Variants in LSM14A observed in about 807,000 individuals in gnomAD.
LSM14A encodes the protein LSM14A mRNA processing body assembly factor.
LSM14A carries 14 observed loss-of-function variants against 52.4 expected under a neutral mutation model. That is an observed-to-expected ratio of 0.27 (90% CI 0.18 to 0.42). LSM14A has a LOEUF of 0.42. Among genes scored for constraint, LSM14A ranks in the 10% least tolerant of loss-of-function variants. The pLI is 1.00. For missense variants in LSM14A, 417 were observed against 581.8 expected, an observed-to-expected ratio of 0.72 and a Z score of 2.91; for synonymous variants, 185 against 200.3, an observed-to-expected ratio of 0.92 and a Z score of 0.64.
In LSM14A at chr19:34,172,581, C is replaced by T; in HGVS notation, c.-62C>T. 2.0e-6 allele frequency: 3 copies of T among 1,478,354 alleles called. No homozygotes were observed. Among genetic ancestry groups the T allele is most frequent in the Admixed American group, 2.6e-5 (1 of 38,072 alleles). The allele number at this position is 1,478,354 out of a possible 1,614,324, so 91.6% of individuals were successfully genotyped here. On this transcript the variant is annotated 5_prime_UTR_variant, in exon 1 of 10. Coordinates refer to ENST00000544216, the MANE Select transcript of LSM14A (RefSeq NM_015578.4). ...CGACGGAGCGAGCGGGCGTGCGGAG[C>T]GGGCGACAGTGGCGTGGGATCTGCC...
chr19:34,193,833 A>T (rs764568019), intron 1 of LSM14A, among the ~76,000 whole-genome samples: 1 of 152,192 alleles, frequency 6.6e-6, no homozygotes, highest in Non-Finnish European at 1.5e-5. Flanking sequence ...CAAGAAAGAC[A>T]TGGGTTGCTA....
At chr19:34,174,068 G>C (rs977886792) in intron 1 of LSM14A, among the ~76,000 whole-genome samples, 9 of 152,162 alleles carry the variant, frequency 5.9e-5, no homozygotes, top group African/African-American at 2.2e-4. Context: ...TCCTGCCTCA[G>C]CCTCCCAAGT....
At chr19:34,181,520 A>C (rs571480435) in intron 1 of LSM14A, among the ~76,000 whole-genome samples, 1 of 152,074 alleles carries the variant, frequency 6.6e-6, no homozygotes, top group Non-Finnish European at 1.5e-5. Context: ...ATTCTACTTC[A>C]CCAGTCAGCA....
intron 1 of LSM14A, among the ~76,000 whole-genome samples, chr19:34,190,551 G>A (rs2070292357): frequency 6.7e-6 from 1 of 150,034 alleles, no homozygotes; most frequent in African/African-American, 2.4e-5. Context: ...AAAAAAAAAA[G>A]TGTATCAAGT....
intron 9 of LSM14A, among the ~76,000 whole-genome samples, chr19:34,223,707 C>G (rs2073189240): frequency 6.6e-6 from 1 of 152,240 alleles, no homozygotes. Context: ...ACATTTTGAA[C>G]AACCTGTGAC....
chr19:34,200,065 G>A (rs2071182031), intron 3 of LSM14A, among the ~76,000 whole-genome samples: 1 of 152,118 alleles, frequency 6.6e-6, no homozygotes, highest in Non-Finnish European at 1.5e-5. Context: ...GATTGGGGTG[G>A]GGGGCAAAAC....
chr19:34,186,723 C>T (rs1437837987), intron 1 of LSM14A, among the ~76,000 whole-genome samples: 3 of 152,036 alleles, frequency 2.0e-5, no homozygotes, highest in Non-Finnish European at 4.4e-5. Context: ...TATGCTGGGA[C>T]CAGGTCTTGG....
chr19:34,183,511 A>G (rs1041131554), intron 1 of LSM14A, among the ~76,000 whole-genome samples: 1 of 152,142 alleles, frequency 6.6e-6, no homozygotes, highest in Admixed American at 6.5e-5. Flanking sequence ...AGATCGTGCT[A>G]TTGCACTCCA....
chr19:34,199,641 G>A (rs561754957), intron 3 of LSM14A, among the ~76,000 whole-genome samples: 17 of 152,150 alleles, frequency 1.1e-4, no homozygotes, highest in South Asian at 2.1e-4. Context: ...AGCTCTGTTC[G>A]TAGAAAGGAC....
At chr19:34,187,783 A>T (rs563399785) in intron 1 of LSM14A, among the ~76,000 whole-genome samples, 38 of 152,334 alleles carry the variant, frequency 2.5e-4, no homozygotes, top group Non-Finnish European at 5.1e-4. Context: ...TATTATATAC[A>T]CTAACAACCA....
intron 4 of LSM14A, among the ~76,000 whole-genome samples, chr19:34,209,650 C>A (rs558184006): frequency 2.8e-4 from 43 of 152,222 alleles, no homozygotes; most frequent in Admixed American, 2.6e-4. Flanking sequence ...AAATGGTTAT[C>A]CATACCTTTT....
intron 1 of LSM14A, among the ~76,000 whole-genome samples, chr19:34,190,289 C>A (rs1179190518): frequency 2.0e-5 from 3 of 152,074 alleles, no homozygotes; most frequent in Admixed American, 2.0e-4. Flanking sequence ...ATTAAGCCAG[C>A]CTCCATCATT....
chr19:34,178,151 ACT>A (rs1427807580), intron 1 of LSM14A, among the ~76,000 whole-genome samples: 4 of 147,846 alleles, frequency 2.7e-5, no homozygotes, highest in Non-Finnish European at 6.0e-5. Context: ...ACAGAGCGAG[ACT>A]CTGTCTCAAA....
rs895045237 is a variant in LSM14A at position 34,219,957 on chromosome 19, A to G, written c.1136+80A>G. The G allele has an allele frequency of 1.6e-5, 16 of 995,492 alleles. No individual in the cohort carries two copies. The East Asian group carries it at 1.9e-4, about 12-fold the overall frequency. 61.7% of individuals were successfully genotyped at this position (995,492 alleles called of 1,614,324 possible). A position where few individuals can be genotyped will look rare whatever the true frequency, so the allele number is the denominator to read the frequency against. ...GTTTCATGTAAATTCACGAGGTTTA[A>G]TGAATACTACCATAATTGTTTTGTT... On this transcript the variant is annotated intron_variant, in intron 8 of 9. Coordinates refer to ENST00000544216, the MANE Select transcript of LSM14A (RefSeq NM_015578.4).
intron 6 of LSM14A, among the ~76,000 whole-genome samples, chr19:34,219,114 C>T (rs1182326719): frequency 6.6e-6 from 1 of 152,192 alleles, no homozygotes; most frequent in East Asian, 1.9e-4. Context: ...CCACACTTGC[C>T]TGGCTGTATA....
chr19:34,208,838 A>G (rs1946969516), intron 3 of LSM14A, 91 bp from the exon 4 acceptor site: 3 of 813,060 alleles, frequency 3.7e-6, no homozygotes, highest in Non-Finnish European at 1.9e-6. Flanking sequence ...GTAGACAATT[A>G]CCATCATTAA....
chr19:34,179,930 T>C (rs1242056701), intron 1 of LSM14A, among the ~76,000 whole-genome samples: 1 of 152,140 alleles, frequency 6.6e-6, no homozygotes, highest in Non-Finnish European at 1.5e-5. Flanking sequence ...GAAGTAAATT[T>C]TGTTGTTGTT....
Position 34,208,988 on chromosome 19 carries a change from A to G in LSM14A, c.475A>G (p.Ser159Gly), listed in dbSNP as rs555338048. Residue 159 changes from serine to glycine, a missense_variant, in exon 4 of 10, where the codon AGT becomes GGT. Physicochemically the swap from Ser to Gly is moderately conservative, Grantham distance 56 (BLOSUM62 0). Coordinates refer to ENST00000544216, the MANE Select transcript of LSM14A (RefSeq NM_015578.4). ...ATCAAACAGTGGTACCTTACCCCAA[A>G]GTAGTGCGGTTGGTTCTGCCTTTAC... is the stretch of plus-strand genomic sequence containing the variant. ...ETSNSGTLPQSSAVGSAFTQD... is the reference protein window; with the variant it reads ...ETSNSGTLPQGSAVGSAFTQD... 6.2e-7 allele frequency: 1 copy of G among 1,612,176 alleles called. No homozygotes were observed. Among genetic ancestry groups the G allele is most frequent in the African/African-American group, 1.3e-5 (1 of 75,040 alleles).
intron 1 of LSM14A, among the ~76,000 whole-genome samples, chr19:34,178,048 C>T (rs2145480441): frequency 6.6e-6 from 1 of 152,022 alleles, no homozygotes; most frequent in Non-Finnish European, 1.5e-5. Flanking sequence ...GTAATCCCAG[C>T]TACTTGAGAG....
Sources: gnomAD v4.1 joint callset for allele counts (sites outside exome capture counted in the v4.1 genomes callset) on GRCh38, gnomAD v4.1.1 for gene constraint, MANE v1.5 for transcripts, NCBI Gene and HGNC (gene_info 2026-07-23, HGNC 2026-07-21) for gene names.